FAM210A: variants seen among roughly 807,000 people sequenced by gnomAD.
FAM210A encodes family with sequence similarity 210 member A.
FAM210A carries 13 observed loss-of-function variants against 25.3 expected under a neutral mutation model. The ratio of observed to expected loss-of-function variants is 0.51; its 90% confidence interval spans 0.33 to 0.82. The LOEUF is 0.82. Among genes scored for constraint, FAM210A ranks in the 40% least tolerant of loss-of-function variants. FAM210A has a pLI of 0.02. For missense variants in FAM210A, 319 were observed against 323.2 expected (o/e 0.99, Z 0.10); for synonymous variants, 125 against 118.7 (o/e 1.05, Z -0.35).
intron 1 of FAM210A, among the ~76,000 whole-genome samples, chr18:13,725,021 C>T (rs569528151): frequency 4.6e-5 from 7 of 152,334 alleles, no homozygotes; most frequent in African/African-American, 1.7e-4. Flanking sequence ...ATCCAACCGC[C>T]TCGGCCTCCC....
At chr18:13,666,829 T>C (rs1601936941) in intron 3 of FAM210A, 116 bp from the exon 4 acceptor site, 1 of 860,386 alleles carries the variant, frequency 1.2e-6, no homozygotes, top group East Asian at 2.7e-5. Flanking sequence ...ATTGCCTCAT[T>C]GTTTCACAAA....
chr18:13,697,804 C>G (rs1483834585), intron 1 of FAM210A: 2 of 151,756 alleles, frequency 1.3e-5, no homozygotes, highest in Non-Finnish European at 2.9e-5. Flanking sequence ...ATTGCCAAAA[C>G]TTAGAAGCAA....
rs35493157 is a variant in FAM210A at position 13,681,963 on chromosome 18, A to T, written c.115T>A (p.Tyr39Asn). 56,197 of 1,614,158 alleles carry T rather than the reference A, an allele frequency of 0.035. 1,151 individuals carry two copies. Among genetic ancestry groups the T allele is most frequent in the Middle Eastern group, 0.064 (386 of 6,060 alleles). The stretch of plus-strand genomic sequence containing the variant: ...AAAACCACTTTGGATTCAGCATTGT[A>T]TAAAAGTAAAGGTCCCTTTACATTT... ...CQNVKGPLLL[Y>N]NAESKVVLVQ... The change falls in exon 2 of 4, where the codon TAC becomes AAC. Residue 39 changes from tyrosine to asparagine, a missense_variant. Coordinates refer to ENST00000651643, the MANE Select transcript of FAM210A (RefSeq NM_152352.4).
At chr18:13,710,907 A>C (rs560305070) in intron 1 of FAM210A, among the ~76,000 whole-genome samples, 1 of 152,366 alleles carries the variant, frequency 6.6e-6, no homozygotes, top group East Asian at 1.9e-4. Context: ...GTACTCAAAT[A>C]GCACAGTCTC....
chr18:13,723,385 C>T (rs1048345328), intron 1 of FAM210A, among the ~76,000 whole-genome samples: 3 of 152,166 alleles, frequency 2.0e-5, no homozygotes, highest in African/African-American at 7.2e-5. Flanking sequence ...TAGATAAAAA[C>T]ATAAATATCT....
intron 1 of FAM210A, among the ~76,000 whole-genome samples, chr18:13,699,598 C>A (rs2149064607): frequency 6.6e-6 from 1 of 152,240 alleles, no homozygotes; most frequent in South Asian, 2.1e-4. Flanking sequence ...GTGACATAAA[C>A]CCAGAATCCA....
intron 1 of FAM210A, among the ~76,000 whole-genome samples, chr18:13,706,008 A>T (rs2043775545): frequency 6.6e-6 from 1 of 152,228 alleles, no homozygotes; most frequent in African/African-American, 2.4e-5. Context: ...TGGTTCACTG[A>T]GGAAAATCAA....
chr18:13,693,552 A>C (rs1392120258), intron 1 of FAM210A, among the ~76,000 whole-genome samples: 3 of 152,254 alleles, frequency 2.0e-5, no homozygotes, highest in African/African-American at 7.2e-5. Context: ...CACCAGGATC[A>C]AGTTGGCTTC....
chr18:13,670,622 T>C (rs2043433695), intron 3 of FAM210A, among the ~76,000 whole-genome samples: 1 of 152,184 alleles, frequency 6.6e-6, no homozygotes, highest in Non-Finnish European at 1.5e-5. Context: ...GAAAATGAGA[T>C]TAATATGGCT....
At position 13,724,764 on chromosome 18, in the gene FAM210A, T is replaced by C. The variant is rs1240407222; in HGVS notation, c.-29+1565A>G. On this transcript the variant is annotated intron_variant, in intron 1 of 3. Transcript: ENST00000651643. ...CATAGTTAAGAGGCTTTTAATCTAA[T>C]AACTTTTTTTGTTTTGTTTAGTTTT... 3.3e-5 allele frequency among the ~76,000 whole-genome samples: 5 copies of C among 152,328 alleles called. No homozygotes were observed. The East Asian group carries it at 7.7e-4, about 23-fold the overall frequency.
chr18:13,689,040 G>A (rs1331671340), intron 1 of FAM210A, among the ~76,000 whole-genome samples: 1 of 152,216 alleles, frequency 6.6e-6, no homozygotes, highest in African/African-American at 2.4e-5. Context: ...CCCCTGTCGC[G>A]AGTCCTGTGA....
In FAM210A at chr18:13,666,478, C is replaced by T. The variant is rs771076117; in HGVS notation, c.*2G>A. On this transcript the variant is annotated 3_prime_UTR_variant, in exon 4 of 4. Coordinates refer to ENST00000651643, the MANE Select transcript of FAM210A (RefSeq NM_152352.4). The stretch of plus-strand genomic sequence containing the variant: ...ATTTTCTATACTGCTATATAAGGCA[C>T]CTTATTCCACTTTTTTCTTAAAGGA... 6.2e-7 allele frequency: 1 copy of T among 1,611,672 alleles called. No individual in the cohort carries two copies. The highest frequency in any genetic ancestry group is 8.5e-7 in the Non-Finnish European group (1 of 1,178,326).
intron 1 of FAM210A, among the ~76,000 whole-genome samples, chr18:13,725,867 T>C (rs2043940285): frequency 6.6e-6 from 1 of 152,170 alleles, no homozygotes; most frequent in African/African-American, 2.4e-5. Flanking sequence ...GTATAGGCGG[T>C]CCCTTTTCTC....
chr18:13,699,270 C>A (rs565694118), intron 1 of FAM210A, among the ~76,000 whole-genome samples: 12 of 152,316 alleles, frequency 7.9e-5, no homozygotes, highest in African/African-American at 2.9e-4. Flanking sequence ...ACTATATAAT[C>A]CATCTCCTTC....
intron 1 of FAM210A, among the ~76,000 whole-genome samples, chr18:13,684,241 A>T (rs1601948904): frequency 6.6e-6 from 1 of 151,424 alleles, no homozygotes; most frequent in Non-Finnish European, 1.5e-5. Flanking sequence ...CTAAAAATAT[A>T]AAAAAAAATT....
intron 1 of FAM210A, among the ~76,000 whole-genome samples, chr18:13,725,850 A>C (rs531441113): frequency 6.6e-6 from 1 of 152,336 alleles, no homozygotes; most frequent in African/African-American, 2.4e-5. Flanking sequence ...GTATTTGTCA[A>C]GAAGAGGTAT....
intron 2 of FAM210A, among the ~76,000 whole-genome samples, chr18:13,676,892 A>T (rs776971175): frequency 6.6e-6 from 1 of 152,142 alleles, no homozygotes; most frequent in African/African-American, 2.4e-5. Context: ...ACCTCAGCAC[A>T]TCACAACAAG....
At chr18:13,710,193 T>TC (rs2043810500) in intron 1 of FAM210A, 1 of 149,702 alleles carries the variant, frequency 6.7e-6, no homozygotes, top group African/African-American at 2.5e-5. Context: ...TCTTTTTTCT[T>TC]TTTTTTTTGA....
intron 1 of FAM210A, among the ~76,000 whole-genome samples, chr18:13,725,610 T>A (rs963541619): frequency 1.3e-5 from 2 of 152,210 alleles, no homozygotes; most frequent in African/African-American, 4.8e-5. Context: ...CCTTGGAAGG[T>A]GGGGACTTGA....
Sources: allele counts gnomAD v4.1 joint callset (sites outside exome capture counted in the v4.1 genomes callset), GRCh38; gene constraint gnomAD v4.1.1; transcripts MANE v1.5; gene names NCBI Gene and HGNC (gene_info 2026-07-23, HGNC 2026-07-21).